The following FARSB variants were observed in gnomAD, a reference collection of about 807,000 sequenced individuals.
FARSB encodes the protein phenylalanyl-tRNA synthetase subunit beta, also known as phenylalanine--tRNA ligase beta subunit.
Under a neutral mutation model 69.6 loss-of-function variants are expected in FARSB, and 40 were observed. That is an observed-to-expected ratio of 0.57 (90% CI 0.45 to 0.75). FARSB has a LOEUF of 0.75. Among genes scored for constraint, FARSB ranks in the 30% least tolerant of loss-of-function variants. FARSB has a pLI of 0.00. For missense variants in FARSB, 632 were observed against 722.9 expected, an observed-to-expected ratio of 0.87 and a Z score of 1.44; for synonymous variants, 235 against 247.2, an observed-to-expected ratio of 0.95 and a Z score of 0.46.
intron 1 of FARSB, among the ~76,000 whole-genome samples, chr2:222,653,045 T>C (rs540273873): frequency 1.3e-5 from 2 of 152,282 alleles, no homozygotes; most frequent in South Asian, 4.1e-4. Flanking sequence ...GTATATGATA[T>C]ACACAGAAGG....
At chr2:222,572,194 A>G (rs2106171575) in intron 16 of FARSB, among the ~76,000 whole-genome samples, 172 bp from the exon 17 acceptor site, 1 of 152,302 alleles carries the variant, frequency 6.6e-6, no homozygotes. Flanking sequence ...AGGATTTGCT[A>G]TCAAGAAACT....
rs777071414 is a variant in FARSB, at chr2:222,630,112, C to T, written c.848+1G>A. ...TCAATAAAGGTGCTGGATGAACTTA[C>T]GTAAATTGATTCTCACAATATTCAC... is the stretch of plus-strand genomic sequence containing the variant. On this transcript the variant is annotated splice_donor_variant, in intron 9 of 16. Coordinates refer to ENST00000281828, the MANE Select transcript of FARSB (RefSeq NM_005687.5). LOFTEE classifies it high-confidence loss of function. 1.6e-5 allele frequency: 25 copies of T among 1,537,828 alleles called. No homozygotes were observed. The highest frequency in any genetic ancestry group is 1.8e-5 in the Non-Finnish European group (20 of 1,133,364).
chr2:222,633,569 C>G (rs1691494042), intron 6 of FARSB, among the ~76,000 whole-genome samples: 1 of 151,256 alleles, frequency 6.6e-6, no homozygotes, highest in African/African-American at 2.4e-5. Context: ...GTAATCCCAG[C>G]TACTCGGGAG....
chr2:222,575,582 T>C (rs1272519123), intron 16 of FARSB, among the ~76,000 whole-genome samples: 1 of 152,238 alleles, frequency 6.6e-6, no homozygotes. Context: ...TACTTCCTTA[T>C]ACTGGTTAAA....
At chr2:222,653,443 A>C (rs1463593864) in intron 1 of FARSB, among the ~76,000 whole-genome samples, 1 of 151,936 alleles carries the variant, frequency 6.6e-6, no homozygotes, top group African/African-American at 2.4e-5. Context: ...AAAAAAAAAA[A>C]GGTAAGAAAC....
chr2:222,628,503 T>C (rs1691333741), intron 10 of FARSB, among the ~76,000 whole-genome samples: 1 of 152,206 alleles, frequency 6.6e-6, no homozygotes, highest in African/African-American at 2.4e-5. Flanking sequence ...GAATAAATCA[T>C]AGGAATTATG....
rs755628041 is a variant in FARSB, at chr2:222,630,095, GGTGCTGGATGAACTTAC to G, written c.848+1_848+17del. On this transcript the variant is annotated splice_donor_variant and splice_donor_5th_base_variant and intron_variant, in intron 9 of 16. Transcript: ENST00000281828. LOFTEE classifies it high-confidence loss of function. ...TTCAGAACAATGGGCCATCAATAAA[GGTGCTGGATGAACTTAC>G]GTAAATTGATTCTCACAATATTCAC... The G allele has an allele frequency of 2.1e-6, 3 of 1,461,278 alleles. No homozygotes were observed. Among genetic ancestry groups the G allele is most frequent in the Non-Finnish European group, 2.8e-6 (3 of 1,061,638 alleles). The allele number at this position is 1,461,278 out of a possible 1,614,324, so 90.5% of individuals were successfully genotyped here.
intron 16 of FARSB, among the ~76,000 whole-genome samples, chr2:222,588,814 A>C (rs1265694901): frequency 6.6e-6 from 1 of 152,104 alleles, no homozygotes; most frequent in Non-Finnish European, 1.5e-5. Context: ...GGATGTGAAA[A>C]ACTTCTTCAA....
intron 2 of FARSB, chr2:222,644,678 C>T (rs1432531649): frequency 3.4e-6 from 1 of 292,366 alleles, no homozygotes; most frequent in African/African-American, 2.2e-5. Context: ...CAGTGGATGC[C>T]TGAAACATTG....
chr2:222,624,720 C>T lies in FARSB; in HGVS notation c.956G>A (p.Gly319Glu), dbSNP rs770799735. The T allele has an allele frequency of 1.2e-6, 2 of 1,601,962 alleles. No homozygotes were observed. Among genetic ancestry groups the T allele is most frequent in the Non-Finnish European group, 1.7e-6 (2 of 1,172,316 alleles). Residue 319 changes from glycine to glutamate, a missense_variant, in exon 11 of 17, where the codon GGA becomes GAA. Transcript: ENST00000281828. ...VRADLINKKV[G>E]IRETPENLAK... is the part of the protein sequence containing the mutation. ...TGAAGTTTTCAGAGCATACCTGATTCCAACTTTTTTGTTAATTAGGTCAGC... is the reference window on the plus strand; with the variant it reads ...TGAAGTTTTCAGAGCATACCTGATTTCAACTTTTTTGTTAATTAGGTCAGC...
At chr2:222,592,803 C>A (rs370768207) in intron 16 of FARSB, among the ~76,000 whole-genome samples, 1 of 151,502 alleles carries the variant, frequency 6.6e-6, no homozygotes, top group Non-Finnish European at 1.5e-5. Context: ...TTTCACTTTC[C>A]GTGGTTAACT....
chr2:222,644,528 G>C (rs1049418721), intron 2 of FARSB: 1 of 455,278 alleles, frequency 2.2e-6, no homozygotes, highest in South Asian at 1.6e-5. Flanking sequence ...GAAGAAAGCT[G>C]AGTCACCTCC....
chr2:222,590,753 T>C (rs1690248209), intron 16 of FARSB, among the ~76,000 whole-genome samples: 1 of 152,186 alleles, frequency 6.6e-6, no homozygotes, highest in African/African-American at 2.4e-5. Context: ...TTCAAAATAA[T>C]TTAGTAGTGT....
Position 222,633,313 on chromosome 2 carries a change from A to G in FARSB, c.607-6T>C, listed in dbSNP as rs1211885711. On this transcript the variant is annotated splice_polypyrimidine_tract_variant and splice_region_variant and intron_variant, in intron 6 of 16. Coordinates refer to ENST00000281828, the MANE Select transcript of FARSB (RefSeq NM_005687.5). ...TGTTTCAGGTGATTGTCAGTCTGAA[A>G]ACAAATTAAGTCAAATAAAATTAGT... 1.5e-6 allele frequency: 2 copies of G among 1,356,002 alleles called. No individual in the cohort carries two copies. The highest frequency in any genetic ancestry group is 4.6e-5 in the East Asian group (2 of 43,244). The allele number at this position is 1,356,002 out of a possible 1,614,324, so 84.0% of individuals were successfully genotyped here. A position where few individuals can be genotyped will look rare whatever the true frequency, so the allele number is the denominator to read the frequency against.
chr2:222,612,718 T>C (rs79209937), intron 15 of FARSB, among the ~76,000 whole-genome samples: 8,236 of 152,238 alleles, frequency 0.054, 451 homozygotes, highest in African/African-American at 0.14. Flanking sequence ...AAGGTATTGC[T>C]CACCAAGGGA....
chr2:222,633,386 T>A, intron 6 of FARSB, 79 bp from the exon 7 acceptor site: 1 of 702,264 alleles, frequency 1.4e-6, no homozygotes. Context: ...GACCTAATAT[T>A]AAAAAAGAAG....
intron 16 of FARSB, among the ~76,000 whole-genome samples, chr2:222,577,544 T>G (rs1194083616): frequency 6.6e-6 from 1 of 152,060 alleles, no homozygotes; most frequent in Non-Finnish European, 1.5e-5. Flanking sequence ...GCAGCAACAT[T>G]CCATCAACAC....
intron 16 of FARSB, 96 bp from the exon 17 acceptor site, chr2:222,572,118 A>T: frequency 9.9e-7 from 1 of 1,012,330 alleles, no homozygotes; most frequent in Non-Finnish European, 1.4e-6. Context: ...CTTTAAAAAT[A>T]ACTATTCTTT....
At chr2:222,604,439 C>T (rs1690648649) in intron 15 of FARSB, among the ~76,000 whole-genome samples, 1 of 152,152 alleles carries the variant, frequency 6.6e-6, no homozygotes, top group Non-Finnish European at 1.5e-5. Context: ...GAAATAACTG[C>T]CCTTGCCATT....
Sources: allele counts gnomAD v4.1 joint callset (sites outside exome capture counted in the v4.1 genomes callset), GRCh38; gene constraint gnomAD v4.1.1; transcripts MANE v1.5; gene names NCBI Gene and HGNC (gene_info 2026-07-23, HGNC 2026-07-21).